The following MACROD2 variants were observed in gnomAD, a reference collection of about 807,000 sequenced individuals.
The protein encoded by MACROD2 is mono-ADP ribosylhydrolase 2.
In MACROD2, 36 loss-of-function variants were observed where a neutral mutation model predicts 70.4. That is an observed-to-expected ratio of 0.51 (90% CI 0.39 to 0.68). MACROD2 has a LOEUF of 0.68. Ranked by LOEUF, MACROD2 falls within the 30% of genes least tolerant of loss-of-function variation. MACROD2 has a pLI of 0.00. For missense variants in MACROD2, 496 were observed against 538.4 expected (o/e 0.92, Z 0.78); for synonymous variants, 172 against 178.8 (o/e 0.96, Z 0.30).
intron 5 of MACROD2, among the ~76,000 whole-genome samples, chr20:14,832,192 G>A (rs146388632): frequency 0.2 from 30,187 of 151,098 alleles, 3,245 homozygotes; most frequent in East Asian, 0.24. Flanking sequence ...GCAGGTGCCC[G>A]CCACCATGGC....
intron 8 of MACROD2, among the ~76,000 whole-genome samples, chr20:15,810,397 G>T (rs2063808701): frequency 6.6e-6 from 1 of 151,500 alleles, no homozygotes. Flanking sequence ...GGATGGCTGG[G>T]TCAAATGGTA....
At chr20:14,551,781 T>C (rs556551370) in intron 4 of MACROD2, among the ~76,000 whole-genome samples, 29 of 152,340 alleles carry the variant, frequency 1.9e-4, no homozygotes, top group African/African-American at 6.7e-4. Flanking sequence ...CTTAATATTC[T>C]CTCATTTAAA....
chr20:15,599,384 C>CT (rs2048788803), intron 8 of MACROD2, among the ~76,000 whole-genome samples: 2 of 148,650 alleles, frequency 1.3e-5, no homozygotes, highest in South Asian at 4.2e-4. Flanking sequence ...GAGCAAGACT[C>CT]TGTCTCAAAA....
At chr20:15,427,413 A>G (rs2046312835) in intron 6 of MACROD2, among the ~76,000 whole-genome samples, 1 of 152,236 alleles carries the variant, frequency 6.6e-6, no homozygotes, top group African/African-American at 2.4e-5. Context: ...TGATAGGAGA[A>G]AGATTCACAT....
In MACROD2 at chr20:14,860,999, C is replaced by G. The variant is rs2073310051; in HGVS notation, c.418+176040C>G. Among the ~76,000 whole-genome samples, 3 of 152,146 alleles carry G rather than the reference C, an allele frequency of 2.0e-5. 1 individual carries two copies. In the South Asian group the frequency reaches 6.2e-4, roughly 32 times the overall value. Reference sequence around the variant, plus strand: ...GCTTTGTTTATTTATGTGTTCATCTCATGTTTATCAGTTCAGCAGTTCACA... The same window carrying G: ...GCTTTGTTTATTTATGTGTTCATCTGATGTTTATCAGTTCAGCAGTTCACA... On this transcript the variant is annotated intron_variant, in intron 5 of 17. Coordinates refer to ENST00000684519, the MANE Select transcript of MACROD2 (RefSeq NM_001351661.2).
chr20:14,837,514 C>T lies in MACROD2; in HGVS notation c.418+152555C>T, dbSNP rs187680523. ...ATAATGTGTTTCCTCCCAGTAATTG[C>T]GTTTCTTTGTAAATGTCTGTCCTTT... is the stretch of plus-strand genomic sequence containing the variant. On this transcript the variant is annotated intron_variant, in intron 5 of 17. Transcript: ENST00000684519. 1.4e-3 allele frequency among the ~76,000 whole-genome samples: 218 copies of T among 152,082 alleles called. 4 individuals carry two copies. Among genetic ancestry groups the T allele is most frequent in the Non-Finnish European group, 1.8e-3 (123 of 67,928 alleles).
chr20:14,535,275 G>A (rs543074644), intron 4 of MACROD2, among the ~76,000 whole-genome samples: 92 of 152,098 alleles, frequency 6.0e-4, no homozygotes, highest in African/African-American at 2.1e-3. Context: ...AGGCTGAGGC[G>A]GGCGGATCAC....
chr20:14,968,195 C>A (rs911120517), intron 5 of MACROD2, among the ~76,000 whole-genome samples: 1 of 152,114 alleles, frequency 6.6e-6, no homozygotes, highest in African/African-American at 2.4e-5. Context: ...CTTAAAATTT[C>A]TCTTCAAAAG....
At chr20:15,656,959 G>A (rs909112360) in intron 8 of MACROD2, among the ~76,000 whole-genome samples, 9 of 152,034 alleles carry the variant, frequency 5.9e-5, no homozygotes, top group Non-Finnish European at 1.3e-4. Context: ...TAAAAATAAA[G>A]ATGTTTCCAA....
intron 5 of MACROD2, among the ~76,000 whole-genome samples, chr20:14,873,727 C>T (rs1379231974): frequency 1.3e-5 from 2 of 151,890 alleles, no homozygotes; most frequent in African/African-American, 2.4e-5. Flanking sequence ...GGTGTGGTGG[C>T]GGGCCTCTCT....
At chr20:15,495,655 A>G (rs746170018) in intron 7 of MACROD2, among the ~76,000 whole-genome samples, 7 of 152,302 alleles carry the variant, frequency 4.6e-5, no homozygotes, top group Admixed American at 1.3e-4. Flanking sequence ...ATCATTCTCT[A>G]TGTGCCAGCA....
At chr20:15,578,179 G>A (rs2048474428) in intron 8 of MACROD2, among the ~76,000 whole-genome samples, 1 of 152,148 alleles carries the variant, frequency 6.6e-6, no homozygotes, top group Admixed American at 6.5e-5. Context: ...CATGATCACA[G>A]GTAAATAGAC....
intron 8 of MACROD2, among the ~76,000 whole-genome samples, chr20:15,742,132 G>A (rs2050220): frequency 2.6e-5 from 4 of 152,014 alleles, no homozygotes; most frequent in African/African-American, 9.7e-5. Flanking sequence ...TTTCTTTATA[G>A]TATAAATATT....
chr20:15,003,057 C>G (rs1205460241), intron 5 of MACROD2, among the ~76,000 whole-genome samples: 1 of 152,096 alleles, frequency 6.6e-6, no homozygotes, highest in Non-Finnish European at 1.5e-5. Context: ...GTTGAGAGTT[C>G]TTACTTGCCA....
chr20:15,908,112 T>C (rs1439349632), intron 10 of MACROD2, among the ~76,000 whole-genome samples: 2 of 151,140 alleles, frequency 1.3e-5, no homozygotes, highest in Non-Finnish European at 2.9e-5. Context: ...TAGCTAAGAG[T>C]TTTTTGCTGT....
chr20:14,875,781 C>T (rs2073543715), intron 5 of MACROD2, among the ~76,000 whole-genome samples: 1 of 152,064 alleles, frequency 6.6e-6, no homozygotes, highest in Non-Finnish European at 1.5e-5. Context: ...ATAATGACCT[C>T]TAGTTGCATC....
intron 6 of MACROD2, among the ~76,000 whole-genome samples, chr20:15,431,057 A>G (rs1342446810): frequency 6.6e-6 from 1 of 152,026 alleles, no homozygotes; most frequent in Non-Finnish European, 1.5e-5. Flanking sequence ...CAAATGTGCA[A>G]AGTAATTAGA....
intron 8 of MACROD2, among the ~76,000 whole-genome samples, chr20:15,665,867 C>A (rs1600730219): frequency 6.6e-6 from 1 of 152,168 alleles, no homozygotes; most frequent in East Asian, 1.9e-4. Context: ...CTGTGGTGAC[C>A]CTCCTAAAAT....
chr20:15,209,624 A>G (rs175260), intron 5 of MACROD2, among the ~76,000 whole-genome samples: 96,897 of 152,018 alleles, frequency 0.64, 32,291 homozygotes, highest in African/African-American at 0.82. Context: ...CATATCCAAA[A>G]TCCTCACCTC....
Sources: allele counts gnomAD v4.1 joint callset (sites outside exome capture counted in the v4.1 genomes callset), GRCh38; gene constraint gnomAD v4.1.1; transcripts MANE v1.5; gene names NCBI Gene and HGNC (gene_info 2026-07-23, HGNC 2026-07-21).